Variants in SND1 observed in about 807,000 individuals in gnomAD.
SND1 encodes the protein staphylococcal nuclease domain-containing protein 1.
SND1 carries 38 observed loss-of-function variants against 121.7 expected under a neutral mutation model. The ratio of observed to expected loss-of-function variants is 0.31; its 90% confidence interval spans 0.24 to 0.41. The LOEUF is 0.41. Ranked by LOEUF, SND1 falls within the 10% of genes least tolerant of loss-of-function variation. The pLI, the probability that SND1 is intolerant of heterozygous loss-of-function variation, is 1.00. For synonymous variants in SND1, 401 were observed against 447.4 expected (o/e 0.90, Z 1.31); for missense variants, 868 against 1,184.6 (o/e 0.73, Z 3.92).
intron 10 of SND1, among the ~76,000 whole-genome samples, chr7:127,782,767 G>A (rs1563011680): frequency 6.6e-6 from 1 of 152,184 alleles, no homozygotes. Context: ...GCCATCATGA[G>A]TAGCTGTAGT....
intron 1 of SND1, among the ~76,000 whole-genome samples, chr7:127,671,096 A>G (rs1795507899): frequency 6.6e-6 from 1 of 152,162 alleles, no homozygotes; most frequent in African/African-American, 2.4e-5. Flanking sequence ...GCATGGAGAG[A>G]GGGAGGACTG....
At chr7:127,844,455 G>A (rs1324383933) in intron 12 of SND1, 31 bp downstream of exon 12, 1 of 1,526,776 alleles carries the variant, frequency 6.5e-7, no homozygotes, top group Admixed American at 1.7e-5. Flanking sequence ...GGACTCAGCT[G>A]TCATCTCAAG....
chr7:128,008,682 T>C (rs1803042933), intron 16 of SND1, among the ~76,000 whole-genome samples: 1 of 152,140 alleles, frequency 6.6e-6, no homozygotes, highest in African/African-American at 2.4e-5. Flanking sequence ...CCACTCCCTC[T>C]ACTCTCCCAT....
intron 10 of SND1, among the ~76,000 whole-genome samples, chr7:127,724,004 A>G (rs527451682): frequency 6.6e-5 from 10 of 152,338 alleles, no homozygotes; most frequent in African/African-American, 2.4e-4. Context: ...CAAGGACTCA[A>G]TAGGCACATG....
At chr7:128,030,764 G>A (rs1792565566) in intron 16 of SND1, 1 of 1,261,796 alleles carries the variant, frequency 7.9e-7, no homozygotes, top group Middle Eastern at 2.2e-4. Flanking sequence ...TGGGGAGGGG[G>A]CGATTAGAGA....
intron 17 of SND1, among the ~76,000 whole-genome samples, chr7:128,076,394 A>C (rs1038087241): frequency 6.6e-6 from 1 of 152,222 alleles, no homozygotes; most frequent in African/African-American, 2.4e-5. Flanking sequence ...AATGCAGTGC[A>C]CAACTCTCAG....
At position 128,029,790 on chromosome 7, in the gene SND1, T is replaced by G; in HGVS notation, c.1779+38734T>G. 1 of 1,613,612 alleles carries G rather than the reference T, an allele frequency of 6.2e-7. No homozygotes were observed. The highest frequency in any genetic ancestry group is 8.5e-7 in the Non-Finnish European group (1 of 1,179,968). On this transcript the variant is annotated intron_variant, in intron 16 of 23. Coordinates refer to ENST00000354725, the MANE Select transcript of SND1 (RefSeq NM_014390.4). The surrounding 1 kb of genome is among the most constrained non-coding windows in gnomAD (Gnocchi z 4.2). Reference sequence around the variant, plus strand: ...CAGGTACCTCAGCGGGGTAAAGAGGTCATGGGGCAAAGAAGAGAGGTTATT... The same window carrying G: ...CAGGTACCTCAGCGGGGTAAAGAGGGCATGGGGCAAAGAAGAGAGGTTATT...
At chr7:127,658,128 A>G (rs1183973681) in intron 1 of SND1, among the ~76,000 whole-genome samples, 3 of 152,132 alleles carry the variant, frequency 2.0e-5, no homozygotes, top group South Asian at 2.1e-4. Context: ...CCCAACCAAC[A>G]TGGCGAAACC....
At chr7:127,979,037 C>G (rs542680425) in intron 15 of SND1, among the ~76,000 whole-genome samples, 1 of 151,990 alleles carries the variant, frequency 6.6e-6, no homozygotes, top group Non-Finnish European at 1.5e-5. Context: ...AGCGTGTTGG[C>G]GAGCTTTTTC....
At chr7:127,853,547 A>G (rs2116665968) in intron 12 of SND1, among the ~76,000 whole-genome samples, 1 of 152,276 alleles carries the variant, frequency 6.6e-6, no homozygotes, top group African/African-American at 2.4e-5. Flanking sequence ...CTCTGTTAGA[A>G]GCAAAGTCCT....
intron 15 of SND1, among the ~76,000 whole-genome samples, chr7:127,967,339 G>T (rs1051412427): frequency 4.6e-5 from 7 of 152,220 alleles, no homozygotes; most frequent in African/African-American, 1.4e-4. Context: ...CAAGTTCGTG[G>T]CAGGGATGGG....
At chr7:127,978,930 AC>A in intron 15 of SND1, among the ~76,000 whole-genome samples, 1 of 151,492 alleles carries the variant, frequency 6.6e-6, no homozygotes, top group Non-Finnish European at 1.5e-5. Flanking sequence ...CAGGTGATCC[AC>A]CCACCTCAGC....
intron 16 of SND1, chr7:128,030,138 T>C (rs886453156): frequency 6.2e-7 from 1 of 1,614,032 alleles, no homozygotes; most frequent in African/African-American, 1.3e-5. Context: ...GGGCACCCGG[T>C]TGAAGGCGTA....
intron 11 of SND1, among the ~76,000 whole-genome samples, chr7:127,823,814 G>A (rs1056300299): frequency 3.3e-5 from 5 of 151,992 alleles, no homozygotes; most frequent in Admixed American, 6.6e-5. Flanking sequence ...AGGTATTGGC[G>A]AATTCAGATA....
Position 127,707,766 on chromosome 7 carries a change from A to AGTGTGTGTGTGT in SND1, c.1038+154_1038+165dup, listed in dbSNP as rs35627839. On this transcript the variant is annotated intron_variant, in intron 9 of 23. Transcript: ENST00000354725. ...GAAAATTTCAAGGCAAGCCAGTAGG[A>AGTGTGTGTGTGT]GTGTGTGTGTGTGTGTGTGTGTGTG... 1,806 of 408,948 alleles carry AGTGTGTGTGTGT rather than the reference A, an allele frequency of 4.4e-3. 12 individuals carry two copies. Among genetic ancestry groups the AGTGTGTGTGTGT allele is most frequent in the Admixed American group, 5.6e-3 (182 of 32,728 alleles). 25.3% of individuals were successfully genotyped at this position (408,948 alleles called of 1,614,324 possible).
At chr7:127,898,427 C>T (rs1371529118) in intron 13 of SND1, among the ~76,000 whole-genome samples, 2 of 152,132 alleles carry the variant, frequency 1.3e-5, no homozygotes, top group East Asian at 3.9e-4. Context: ...CATTCTGCAC[C>T]TGCTCCTGCT....
At chr7:127,939,858 C>T (rs571886521) in intron 15 of SND1, among the ~76,000 whole-genome samples, 126 of 152,284 alleles carry the variant, frequency 8.3e-4, no homozygotes, top group Non-Finnish European at 1.7e-3. Flanking sequence ...TTTCCTTCCT[C>T]CTGAATTCTC....
In SND1 at chr7:127,974,395, T is replaced by C. The variant is rs536490743; in HGVS notation, c.1670-16552T>C. On this transcript the variant is annotated intron_variant, in intron 15 of 23. Transcript: ENST00000354725. ...TTCATGCTCCTTCTTTGATCTTGTC[T>C]GCCCTGGAAATACCAAATAGAAGAC... 1.3e-3 allele frequency among the ~76,000 whole-genome samples: 199 copies of C among 152,316 alleles called. 1 individual carries two copies. Among genetic ancestry groups the C allele is most frequent in the South Asian group, 2.7e-3 (13 of 4,828 alleles).
chr7:127,810,968 G>A (rs555091436), intron 11 of SND1, among the ~76,000 whole-genome samples: 1 of 152,370 alleles, frequency 6.6e-6, no homozygotes, highest in South Asian at 2.1e-4. Context: ...TAAGAAGCCA[G>A]AGTGCATTGA....
Sources: allele counts gnomAD v4.1 joint callset (sites outside exome capture counted in the v4.1 genomes callset), GRCh38; gene constraint gnomAD v4.1.1; non-coding constraint Gnocchi (gnomAD v3.1); transcripts MANE v1.5; gene names NCBI Gene and HGNC (gene_info 2026-07-23, HGNC 2026-07-21).